Variants in RSRC1 observed in about 807,000 individuals in gnomAD.
RSRC1 encodes the protein arginine and serine rich coiled-coil 1.
A neutral mutation model predicts 49.1 loss-of-function variants in RSRC1; 39 were observed. The observed-to-expected ratio is 0.79, with a 90% CI of 0.61 to 1.04. RSRC1 has a LOEUF of 1.04. RSRC1 is among the 50% of genes least tolerant of loss of function. The pLI, the probability that RSRC1 is intolerant of heterozygous loss-of-function variation, is 0.00. For missense variants in RSRC1, 388 were observed against 402.4 expected (o/e 0.96, Z 0.31); for synonymous variants, 143 against 130.8 (o/e 1.09, Z -0.63).
chr3:158,496,758 A>AG (rs1359364084), intron 7 of RSRC1: 1 of 288,402 alleles, frequency 3.5e-6, no homozygotes, highest in East Asian at 8.5e-5. Context: ...TTTGTGCTGA[A>AG]CACCAAATCT....
intron 7 of RSRC1, among the ~76,000 whole-genome samples, chr3:158,476,511 A>G (rs1256022597): frequency 6.6e-6 from 1 of 152,148 alleles, no homozygotes; most frequent in Non-Finnish European, 1.5e-5. Flanking sequence ...CTCATTTCCC[A>G]TTCCAAAAAT....
chr3:158,503,786 T>C (rs1443946571), intron 7 of RSRC1, among the ~76,000 whole-genome samples: 1 of 152,068 alleles, frequency 6.6e-6, no homozygotes, highest in Non-Finnish European at 1.5e-5. Context: ...GAGCCAGGCT[T>C]GAGAACTTGC....
intron 3 of RSRC1, among the ~76,000 whole-genome samples, chr3:158,190,612 AT>A (rs1009358772): frequency 5.2e-5 from 7 of 134,458 alleles, no homozygotes; most frequent in Non-Finnish European, 1.6e-5. Context: ...TTATTTGTCC[AT>A]TTTTTTCCTG....
intron 4 of RSRC1, among the ~76,000 whole-genome samples, chr3:158,217,461 T>C (rs1156740421): frequency 8.6e-5 from 13 of 151,668 alleles, no homozygotes; most frequent in Non-Finnish European, 1.6e-4. Context: ...CCAGTCTTCA[T>C]TGAGGAGGAG....
intron 4 of RSRC1, among the ~76,000 whole-genome samples, chr3:158,269,856 C>A (rs1483152814): frequency 2.0e-5 from 3 of 151,842 alleles, no homozygotes; most frequent in African/African-American, 7.2e-5. Context: ...TATTTTTTTT[C>A]TTTTGATATC....
At chr3:158,170,648 C>T (rs1194895816) in intron 3 of RSRC1, among the ~76,000 whole-genome samples, 1 of 152,070 alleles carries the variant, frequency 6.6e-6, no homozygotes. Flanking sequence ...GGATTTGACT[C>T]AGAGTAGTCC....
At chr3:158,495,267 T>C (rs894422556) in intron 7 of RSRC1, among the ~76,000 whole-genome samples, 7 of 152,128 alleles carry the variant, frequency 4.6e-5, no homozygotes, top group African/African-American at 1.7e-4. Context: ...TTTTTTGTTT[T>C]TGTTTTTTGG....
At chr3:158,387,014 A>G (rs1467267308) in intron 6 of RSRC1, among the ~76,000 whole-genome samples, 4 of 152,116 alleles carry the variant, frequency 2.6e-5, no homozygotes, top group Non-Finnish European at 5.9e-5. Flanking sequence ...ATAACAAAAT[A>G]CTGTGTAATA....
At chr3:158,505,252 A>G (rs970629217) in intron 7 of RSRC1, among the ~76,000 whole-genome samples, 2 of 152,092 alleles carry the variant, frequency 1.3e-5, no homozygotes, top group Admixed American at 1.3e-4. Flanking sequence ...CTTCTGTGGG[A>G]TTCATACTGC....
At chr3:158,296,118 G>C (rs1286506036) in intron 4 of RSRC1, among the ~76,000 whole-genome samples, 1 of 151,896 alleles carries the variant, frequency 6.6e-6, no homozygotes, top group Non-Finnish European at 1.5e-5. Flanking sequence ...CTTATACTTT[G>C]AATCTGATCA....
At chr3:158,503,064 T>G (rs940932349) in intron 7 of RSRC1, among the ~76,000 whole-genome samples, 2 of 152,172 alleles carry the variant, frequency 1.3e-5, no homozygotes. Context: ...TGAGATTCTT[T>G]TATTCCATGG....
At chr3:158,307,786 A>G (rs1727917216) in intron 5 of RSRC1, among the ~76,000 whole-genome samples, 1 of 151,822 alleles carries the variant, frequency 6.6e-6, no homozygotes, top group Non-Finnish European at 1.5e-5. Context: ...TAATTTCTGA[A>G]TTTTTAATTG....
chr3:158,393,918 C>A (rs1310169436), intron 6 of RSRC1, among the ~76,000 whole-genome samples: 1 of 152,042 alleles, frequency 6.6e-6, no homozygotes, highest in Non-Finnish European at 1.5e-5. Context: ...AAAATACTAG[C>A]AAATGGAATC....
At chr3:158,217,411 C>T (rs1385036748) in intron 4 of RSRC1, among the ~76,000 whole-genome samples, 3 of 151,650 alleles carry the variant, frequency 2.0e-5, no homozygotes, top group Admixed American at 6.6e-5. Flanking sequence ...ATGGAGTAAA[C>T]GGTCTCTCAA....
chr3:158,309,480 T>C (rs896887788), intron 5 of RSRC1, among the ~76,000 whole-genome samples: 6 of 151,806 alleles, frequency 4.0e-5, no homozygotes, highest in Admixed American at 2.0e-4. Flanking sequence ...TTAATAAATG[T>C]TTTTAAGTGG....
At chr3:158,481,524 A>C (rs1738615725) in intron 7 of RSRC1, among the ~76,000 whole-genome samples, 1 of 152,078 alleles carries the variant, frequency 6.6e-6, no homozygotes, top group African/African-American at 2.4e-5. Context: ...GGTCAACAGC[A>C]TTGAAACTTT....
chr3:158,439,155 C>T (rs1707997165), intron 6 of RSRC1, among the ~76,000 whole-genome samples: 3 of 152,192 alleles, frequency 2.0e-5, no homozygotes, highest in Admixed American at 6.5e-5. Context: ...ATTAAAAAGT[C>T]AGGAAACAAC....
intron 5 of RSRC1, among the ~76,000 whole-genome samples, chr3:158,334,063 G>A (rs1729713749): frequency 6.6e-6 from 1 of 152,104 alleles, no homozygotes; most frequent in South Asian, 2.1e-4. Flanking sequence ...ATCCTGAAAT[G>A]TTAATGTTTA....
intron 6 of RSRC1, among the ~76,000 whole-genome samples, chr3:158,445,559 C>T (rs1015563293): frequency 6.6e-6 from 1 of 151,898 alleles, no homozygotes; most frequent in African/African-American, 2.4e-5. Context: ...ACATAAATGA[C>T]GAGTTAATGG....
Sources: allele counts gnomAD v4.1 joint callset (sites outside exome capture counted in the v4.1 genomes callset), GRCh38; gene constraint gnomAD v4.1.1; transcripts MANE v1.5; gene names NCBI Gene and HGNC (gene_info 2026-07-23, HGNC 2026-07-21).